The following MAPK8IP3 variants were observed in gnomAD, a reference collection of about 807,000 sequenced individuals.
MAPK8IP3 encodes the protein C-Jun-amino-terminal kinase-interacting protein 3.
MAPK8IP3 carries 49 observed loss-of-function variants against 157.8 expected under a neutral mutation model. That is an observed-to-expected ratio of 0.31 (90% CI 0.25 to 0.39). The LOEUF is 0.39. MAPK8IP3 is among the 10% of genes least tolerant of loss of function. The pLI is 1.00. For synonymous variants in MAPK8IP3, 897 were observed against 777.7 expected, an observed-to-expected ratio of 1.15 and a Z score of -2.55; for missense variants, 1,478 against 1,889.4, an observed-to-expected ratio of 0.78 and a Z score of 4.04.
intron 16 of MAPK8IP3, 80 bp downstream of exon 16, chr16:1,763,086 C>A: frequency 6.4e-7 from 1 of 1,569,802 alleles, no homozygotes. Context: ...CCTCCAGGCC[C>A]TGAAGCGGGA....
At position 1,751,602 on chromosome 16, in the gene MAPK8IP3, T is replaced by A. The variant is rs1282250520; in HGVS notation, c.1216+2882T>A. The A allele has an allele frequency of 6.6e-6, 1 of 151,946 alleles. No individual in the cohort carries two copies. Among genetic ancestry groups the A allele is most frequent in the Non-Finnish European group, 1.5e-5 (1 of 67,906 alleles). The allele number at this position is 151,946 out of a possible 1,614,324, so 9.4% of individuals were successfully genotyped here. A position where few individuals can be genotyped will look rare whatever the true frequency, so the allele number is the denominator to read the frequency against. Reference sequence around the variant, plus strand: ...CTATTGAGATGTGATTTCCACACTGTGTAATTCATTCACTTACGGTGTACA... The same window carrying A: ...CTATTGAGATGTGATTTCCACACTGAGTAATTCATTCACTTACGGTGTACA... On this transcript the variant is annotated intron_variant, in intron 8 of 31. Coordinates refer to ENST00000610761, the MANE Select transcript of MAPK8IP3 (RefSeq NM_001318852.2). This position sits in a 1 kb window ranked among gnomAD's most constrained non-coding sequence, Gnocchi z 5.0.
At chr16:1,729,053 C>A in intron 2 of MAPK8IP3, 85 bp from the exon 3 acceptor site, 1 of 1,325,000 alleles carries the variant, frequency 7.5e-7, no homozygotes, top group Non-Finnish European at 1.1e-6. Context: ...TGTCCTGGAA[C>A]CCCCTCCCTC....
chr16:1,748,424 C>T (rs2041098166), intron 7 of MAPK8IP3, 78 bp downstream of exon 7: 1 of 1,283,164 alleles, frequency 7.8e-7, no homozygotes, highest in African/African-American at 1.5e-5. Context: ...AAGTCTTCCT[C>T]TGCCACCACT....
chr16:1,724,456 C>A lies in MAPK8IP3; in HGVS notation c.319-101C>A. 6.8e-7 allele frequency: 1 copy of A among 1,475,072 alleles called. No individual in the cohort carries two copies. The highest frequency in any genetic ancestry group is 1.2e-5 in the South Asian group (1 of 80,148). 91.4% of individuals were successfully genotyped at this position (1,475,072 alleles called of 1,614,324 possible). ...GGCCAGCTTGTGGCCCTGGGGACATCTTTGGCCCCTGGGCCCTCAAAGCCT... is the reference window on the plus strand; with the variant it reads ...GGCCAGCTTGTGGCCCTGGGGACATATTTGGCCCCTGGGCCCTCAAAGCCT... On this transcript the variant is annotated intron_variant, in intron 1 of 31. Coordinates refer to ENST00000610761, the MANE Select transcript of MAPK8IP3 (RefSeq NM_001318852.2). This position sits in a 1 kb window ranked among gnomAD's most constrained non-coding sequence, Gnocchi z 4.1.
rs1297249217 is a variant in MAPK8IP3, at chr16:1,760,525, C to G, written c.1450C>G (p.Leu484Val). 6.2e-7 allele frequency: 1 copy of G among 1,612,642 alleles called. No homozygotes were observed. The highest frequency in any genetic ancestry group is 8.5e-7 in the Non-Finnish European group (1 of 1,179,166). ...ENRIKELEEELKRVKSEAIIA... is the reference protein window; with the variant it reads ...ENRIKELEEEVKRVKSEAIIA... ...CCGTATCAAGGAGCTGGAAGAGGAA[C>G]TGAAAAGGTGAGGGCAGGGCATGGA... The change falls in exon 12 of 32, where the codon CTG (leucine) becomes GTG (valine). Residue 484 changes from leucine to valine, a missense_variant. Leu to Val is a conservative substitution (Grantham distance 32). Coordinates refer to ENST00000610761, the MANE Select transcript of MAPK8IP3 (RefSeq NM_001318852.2).
At chr16:1,709,956 C>G (rs1266617141) in intron 1 of MAPK8IP3, among the ~76,000 whole-genome samples, 1 of 151,758 alleles carries the variant, frequency 6.6e-6, no homozygotes, top group African/African-American at 2.4e-5. Context: ...GGTGTTCTCT[C>G]AACAAGCCCA....
chr16:1,754,453 A>T (rs2041476599), intron 8 of MAPK8IP3, among the ~76,000 whole-genome samples: 1 of 152,008 alleles, frequency 6.6e-6, no homozygotes, highest in Non-Finnish European at 1.5e-5. Context: ...GAGAGATTCC[A>T]CCGATGTAGT....
Position 1,747,107 on chromosome 16 carries a change from A to G in MAPK8IP3, c.826A>G (p.Thr276Ala). Residue 276 changes from threonine (T) to alanine (A), a missense_variant, in exon 6 of 32, where the codon ACG becomes GCG. By Grantham distance (58) the Thr-to-Ala change is moderately conservative. Transcript: ENST00000610761. ...TPSTTGTKSN[T>A]PTSSVPSAAV... is the part of the protein sequence containing the mutation. The stretch of plus-strand genomic sequence containing the variant: ...CAGCACCACAGGCACCAAGTCCAAC[A>G]CGCCCACATCCTCCGTGCCCTCGGC... 6.2e-7 allele frequency: 1 copy of G among 1,613,862 alleles called. No homozygotes were observed. The highest frequency in any genetic ancestry group is 8.5e-7 in the Non-Finnish European group (1 of 1,179,912).
Position 1,763,999 on chromosome 16 carries a change from C to G in MAPK8IP3, c.2026-116C>G, listed in dbSNP as rs372736020. The stretch of plus-strand genomic sequence containing the variant: ...CCGCGGCTCCCACGCCCCCACCTGC[C>G]TCCAGTCTTGAAGTGGCTGTGCCGC... On this transcript the variant is annotated intron_variant, in intron 17 of 31. Coordinates refer to ENST00000610761, the MANE Select transcript of MAPK8IP3 (RefSeq NM_001318852.2). 5 of 1,149,302 alleles carry G rather than the reference C, an allele frequency of 4.4e-6. No individual in the cohort carries two copies. In the East Asian group the frequency reaches 1.3e-4, roughly 30 times the overall value. The allele number at this position is 1,149,302 out of a possible 1,614,324, so 71.2% of individuals were successfully genotyped here. A position where few individuals can be genotyped will look rare whatever the true frequency, so the allele number is the denominator to read the frequency against.
chr16:1,736,605 TCC>T (rs2039872012), intron 4 of MAPK8IP3, among the ~76,000 whole-genome samples: 1 of 60,818 alleles, frequency 1.6e-5, no homozygotes, highest in Non-Finnish European at 3.2e-5. Context: ...CATGTGAGCA[TCC>T]GTGTGACCGT....
At chr16:1,758,306 G>A (rs772340483) in intron 9 of MAPK8IP3, 147 bp downstream of exon 9, 14 of 866,954 alleles carry the variant, frequency 1.6e-5, no homozygotes, top group African/African-American at 6.7e-5. Context: ...CGCAGCCACC[G>A]CCGCTCGGAA....
rs183141511 is a variant in MAPK8IP3 at position 1,759,115 on chromosome 16, G to A, written c.1246+120G>A. 7 of 1,363,480 alleles carry A rather than the reference G, an allele frequency of 5.1e-6. No homozygotes were observed. The South Asian group carries it at 6.0e-5, about 12-fold the overall frequency. 84.5% of individuals were successfully genotyped at this position (1,363,480 alleles called of 1,614,324 possible). ...ACAGTGTTGGGGCCGCCGGGGTCAG[G>A]GGGGCAGCCCTGAGTGAAGCTCGCT... On this transcript the variant is annotated intron_variant, in intron 10 of 31. Coordinates refer to ENST00000610761, the MANE Select transcript of MAPK8IP3 (RefSeq NM_001318852.2).
In MAPK8IP3 at chr16:1,743,874, C is replaced by A. The variant is rs1457203431; in HGVS notation, c.747+398C>A. ...ACACATCCTGCCCCTGAGAGCCACG[C>A]CTCTACTCTCGGAGGAACGTCAGTG... On this transcript the variant is annotated intron_variant, in intron 5 of 31. Coordinates refer to ENST00000610761, the MANE Select transcript of MAPK8IP3 (RefSeq NM_001318852.2). The surrounding 1 kb of genome is among the most constrained non-coding windows in gnomAD (Gnocchi z 5.6). 1 of 1,078,072 alleles carries A rather than the reference C, an allele frequency of 9.3e-7. No homozygotes were observed. The highest frequency in any genetic ancestry group is 1.1e-6 in the Non-Finnish European group (1 of 887,798). The allele number at this position is 1,078,072 out of a possible 1,614,324, so 66.8% of individuals were successfully genotyped here. A position where few individuals can be genotyped will look rare whatever the true frequency, so the allele number is the denominator to read the frequency against.
At chr16:1,764,953 G>C (rs2042171453) in intron 19 of MAPK8IP3, 60 bp from the exon 20 acceptor site, 1 of 1,541,516 alleles carries the variant, frequency 6.5e-7, no homozygotes, top group African/African-American at 1.4e-5. Flanking sequence ...CCATGGCCCT[G>C]TGCTGCCACC....
chr16:1,746,820 G>A, intron 5 of MAPK8IP3: 1 of 603,382 alleles, frequency 1.7e-6, no homozygotes, highest in Non-Finnish European at 2.9e-6. Flanking sequence ...CGAGGAGCCG[G>A]AGTCAGTGGC....
intron 2 of MAPK8IP3, among the ~76,000 whole-genome samples, chr16:1,727,618 A>G (rs1203104516): frequency 3.3e-5 from 5 of 151,600 alleles, no homozygotes; most frequent in Middle Eastern, 3.2e-3. Context: ...TAAGTCGTGC[A>G]TGTGAGGTGC....
rs945578590 is a variant in MAPK8IP3, at chr16:1,742,760, C to T, written c.603-572C>T. Among the ~76,000 whole-genome samples the T allele has an allele frequency of 2.6e-5, 4 of 152,072 alleles. No homozygotes were observed. The highest frequency in any genetic ancestry group is 4.8e-5 in the African/African-American group (2 of 41,404). On this transcript the variant is annotated intron_variant, in intron 4 of 31. Transcript: ENST00000610761. This position sits in a 1 kb window ranked among gnomAD's most constrained non-coding sequence, Gnocchi z 5.0. ...CTCATGGTGGCCGTGCAGCGCTGACCGTGATGCCAAGTCCCGTGGCTGGCT... is the reference window on the plus strand; with the variant it reads ...CTCATGGTGGCCGTGCAGCGCTGACTGTGATGCCAAGTCCCGTGGCTGGCT...
At chr16:1,721,202 G>A (rs190174127) in intron 1 of MAPK8IP3, among the ~76,000 whole-genome samples, 76 of 151,152 alleles carry the variant, frequency 5.0e-4, no homozygotes, top group African/African-American at 1.8e-3. Flanking sequence ...ATGTGGTGGC[G>A]CATGCCTGTA....
chr16:1,761,427 G>A lies in MAPK8IP3; in HGVS notation c.1539+122G>A, dbSNP rs1433774727. On this transcript the variant is annotated intron_variant, in intron 13 of 31. Coordinates refer to ENST00000610761, the MANE Select transcript of MAPK8IP3 (RefSeq NM_001318852.2). The stretch of plus-strand genomic sequence containing the variant: ...CCATTCACCATTCACAGGCAGAGCG[G>A]CCACCATTCACCATTCACAGGCAGA... 58 of 842,822 alleles carry A rather than the reference G, an allele frequency of 6.9e-5. 1 individual carries two copies. Among genetic ancestry groups the A allele is most frequent in the South Asian group, 1.3e-4 (9 of 69,514 alleles). 52.2% of individuals were successfully genotyped at this position (842,822 alleles called of 1,614,324 possible).
Sources: gnomAD v4.1 joint callset for allele counts (sites outside exome capture counted in the v4.1 genomes callset) on GRCh38, gnomAD v4.1.1 for gene constraint, Gnocchi (gnomAD v3.1) non-coding constraint, MANE v1.5 for transcripts, NCBI Gene and HGNC (gene_info 2026-07-23, HGNC 2026-07-21) for gene names.